The following SSBP2 variants were observed in gnomAD, a reference collection of about 807,000 sequenced individuals.
SSBP2 encodes single-stranded DNA-binding protein 2.
SSBP2 carries 17 observed loss-of-function variants against 61.8 expected under a neutral mutation model. The observed-to-expected ratio is 0.28, with a 90% CI of 0.19 to 0.41. The LOEUF (loss-of-function observed/expected upper bound fraction) is 0.41. SSBP2 is among the 10% of genes least tolerant of loss of function. The probability of loss-of-function intolerance (pLI) is 1.00; values close to 1 mark genes in which losing one functional copy is unlikely to be tolerated. For synonymous variants in SSBP2, 139 were observed against 141.3 expected (o/e 0.98, Z 0.12); for missense variants, 310 against 458.7 (o/e 0.68, Z 2.96).
At chr5:81,669,097 G>A (rs1751385832) in intron 1 of SSBP2, among the ~76,000 whole-genome samples, 1 of 152,036 alleles carries the variant, frequency 6.6e-6, no homozygotes. Flanking sequence ...TTAAATTATG[G>A]TACACTATTT....
intron 1 of SSBP2, among the ~76,000 whole-genome samples, chr5:81,717,396 T>C (rs930590530): frequency 1.2e-4 from 18 of 152,330 alleles, no homozygotes; most frequent in African/African-American, 3.4e-4. Flanking sequence ...CTAATGCTCA[T>C]GCTGTTTCTA....
intron 15 of SSBP2, among the ~76,000 whole-genome samples, chr5:81,436,287 T>C (rs1476389925): frequency 1.3e-5 from 2 of 150,698 alleles, no homozygotes; most frequent in South Asian, 4.2e-4. Context: ...TAAAGTTACA[T>C]AGGCAATTTT....
At chr5:81,682,566 AT>A (rs747147489) in intron 1 of SSBP2, among the ~76,000 whole-genome samples, 10 of 152,166 alleles carry the variant, frequency 6.6e-5, no homozygotes, top group South Asian at 6.2e-4. Context: ...CAGATAACAT[AT>A]TTAACGGTGA....
intron 4 of SSBP2, among the ~76,000 whole-genome samples, chr5:81,584,606 A>G (rs962998984): frequency 2.6e-5 from 4 of 152,208 alleles, no homozygotes; most frequent in Non-Finnish European, 1.5e-5. Context: ...CCTATGTGAT[A>G]TGAAGGAAAC....
intron 1 of SSBP2, among the ~76,000 whole-genome samples, chr5:81,654,740 C>T (rs996149067): frequency 2.0e-5 from 3 of 152,204 alleles, no homozygotes; most frequent in Non-Finnish European, 4.4e-5. Context: ...ACTGTTTGAA[C>T]ACAAATGATT....
chr5:81,690,619 G>A (rs1483908339), intron 1 of SSBP2, among the ~76,000 whole-genome samples: 1 of 152,020 alleles, frequency 6.6e-6, no homozygotes, highest in African/African-American at 2.4e-5. Context: ...AACCCCAATA[G>A]AATAATAGCT....
chr5:81,513,021 TAA>T (rs1444431920), intron 5 of SSBP2, among the ~76,000 whole-genome samples: 1 of 152,114 alleles, frequency 6.6e-6, no homozygotes, highest in Non-Finnish European at 1.5e-5. Flanking sequence ...TGTGAAATTT[TAA>T]AAAGTTAAAT....
At chr5:81,609,242 T>C (rs1745199548) in intron 4 of SSBP2, among the ~76,000 whole-genome samples, 1 of 152,202 alleles carries the variant, frequency 6.6e-6, no homozygotes, top group Admixed American at 6.5e-5. Flanking sequence ...ATACTGTGTT[T>C]GATTTTTCTA....
At position 81,585,384 on chromosome 5, in the gene SSBP2, T is replaced by C. The variant is rs1050059196; in HGVS notation, c.282+30089A>G. 2.0e-5 allele frequency among the ~76,000 whole-genome samples: 3 copies of C among 152,224 alleles called. No homozygotes were observed. In the South Asian group the frequency reaches 6.2e-4, roughly 32 times the overall value. On this transcript the variant is annotated intron_variant, in intron 4 of 16. Coordinates refer to ENST00000320672, the MANE Select transcript of SSBP2 (RefSeq NM_012446.5). ...ATACTGAATTTAAGATAATCCTAGATATAAGATATAAGCTAAATCTAGGTC... is the reference window on the plus strand; with the variant it reads ...ATACTGAATTTAAGATAATCCTAGACATAAGATATAAGCTAAATCTAGGTC...
intron 12 of SSBP2, among the ~76,000 whole-genome samples, chr5:81,444,406 T>A (rs1763238231): frequency 6.6e-6 from 1 of 152,274 alleles, no homozygotes; most frequent in East Asian, 1.9e-4. Context: ...TCCATGAGGT[T>A]TTTTCCTGGC....
At chr5:81,742,003 C>A (rs1012944849) in intron 1 of SSBP2, among the ~76,000 whole-genome samples, 3 of 152,084 alleles carry the variant, frequency 2.0e-5, no homozygotes, top group Non-Finnish European at 4.4e-5. Context: ...GACCTTGGAA[C>A]GAAAAAACTC....
chr5:81,506,473 T>A (rs1250729405), intron 5 of SSBP2, among the ~76,000 whole-genome samples: 1 of 152,140 alleles, frequency 6.6e-6, no homozygotes, highest in East Asian at 1.9e-4. Flanking sequence ...TAACAAGTAA[T>A]CTTTTGGTTC....
chr5:81,732,741 A>C (rs1336037041), intron 1 of SSBP2, among the ~76,000 whole-genome samples: 1 of 152,222 alleles, frequency 6.6e-6, no homozygotes, highest in Admixed American at 6.5e-5. Flanking sequence ...TACAGGTTAA[A>C]ATGAGTTTTG....
intron 4 of SSBP2, among the ~76,000 whole-genome samples, chr5:81,607,336 T>A (rs762042347): frequency 1.3e-5 from 2 of 152,150 alleles, no homozygotes; most frequent in Non-Finnish European, 2.9e-5. Context: ...ATTGGGGGCA[T>A]CTCATTCAGA....
intron 3 of SSBP2, chr5:81,616,373 C>T (rs1430456048): frequency 2.8e-5 from 4 of 143,696 alleles, no homozygotes; most frequent in Admixed American, 7.1e-5. Context: ...CACTCCCACC[C>T]GAATATTGCG....
intron 3 of SSBP2, among the ~76,000 whole-genome samples, chr5:81,631,735 T>TCAC (rs1561630193): frequency 6.6e-6 from 1 of 152,056 alleles, no homozygotes; most frequent in Non-Finnish European, 1.5e-5. Context: ...ATCATCATCA[T>TCAC]CACCACCACC....
At chr5:81,558,446 G>A (rs1185719449) in intron 4 of SSBP2, among the ~76,000 whole-genome samples, 1 of 152,194 alleles carries the variant, frequency 6.6e-6, no homozygotes, top group South Asian at 2.1e-4. Flanking sequence ...AACAGAGAGA[G>A]ATATTTTATA....
At chr5:81,442,526 T>C in intron 13 of SSBP2, 127 bp downstream of exon 13, 1 of 563,796 alleles carries the variant, frequency 1.8e-6, no homozygotes, top group South Asian at 2.6e-5. Context: ...AGAATTTGAC[T>C]TTTTGAATAT....
chr5:81,558,603 T>G (rs1400537252), intron 4 of SSBP2, among the ~76,000 whole-genome samples: 1 of 152,254 alleles, frequency 6.6e-6, no homozygotes, highest in East Asian at 1.9e-4. Context: ...TGCCTCAAGA[T>G]GAACTATCCT....
Sources: allele counts gnomAD v4.1 joint callset (sites outside exome capture counted in the v4.1 genomes callset), GRCh38; gene constraint gnomAD v4.1.1; transcripts MANE v1.5; gene names NCBI Gene and HGNC (gene_info 2026-07-23, HGNC 2026-07-21).